The following TMEM181 variants were observed in gnomAD, a reference collection of about 807,000 sequenced individuals.
TMEM181 encodes the protein transmembrane protein 181.
Under a neutral mutation model 71.9 loss-of-function variants are expected in TMEM181, and 39 were observed. That is an observed-to-expected ratio of 0.54 (90% CI 0.42 to 0.71). The LOEUF is 0.71. Among genes scored for constraint, TMEM181 ranks in the 30% least tolerant of loss-of-function variants. TMEM181 has a pLI of 0.00. For synonymous variants in TMEM181, 245 were observed against 228.8 expected (o/e 1.07, Z -0.64); for missense variants, 595 against 583.0 (o/e 1.02, Z -0.21).
chr6:158,555,391 TAAAAG>T (rs1781847799), upstream of TMEM181, among the ~76,000 whole-genome samples: 1 of 152,184 alleles, frequency 6.6e-6, no homozygotes, highest in African/African-American at 2.4e-5. Context: ...AAATTAACCT[TAAAAG>T]AGATGATCCT....
At chr6:158,577,366 A>G (rs1783223588) in intron 2 of TMEM181, among the ~76,000 whole-genome samples, 1 of 152,226 alleles carries the variant, frequency 6.6e-6, no homozygotes, top group Non-Finnish European at 1.5e-5. Context: ...GGAAAGAATC[A>G]GTGAATCTGA....
intron 1 of TMEM181, among the ~76,000 whole-genome samples, chr6:158,545,726 G>C (rs1380516396): frequency 1.3e-5 from 2 of 151,904 alleles, no homozygotes; most frequent in Non-Finnish European, 2.9e-5. Context: ...CGTTGCCCAG[G>C]TTGGAGTGCA....
intron 3 of TMEM181, among the ~76,000 whole-genome samples, chr6:158,583,501 C>T (rs1307185608): frequency 6.6e-6 from 1 of 151,914 alleles, no homozygotes; most frequent in Non-Finnish European, 1.5e-5. Context: ...CACTTATGTT[C>T]TTGAAAGGAA....
intron 3 of TMEM181, among the ~76,000 whole-genome samples, chr6:158,582,787 A>AC (rs1257629061): frequency 2.0e-5 from 3 of 152,200 alleles, no homozygotes; most frequent in African/African-American, 7.2e-5. Context: ...CTGCTATTAA[A>AC]CACCAGTATT....
At chr6:158,603,855 CATT>C (rs1228586651) in intron 6 of TMEM181, among the ~76,000 whole-genome samples, 2 of 152,218 alleles carry the variant, frequency 1.3e-5, no homozygotes, top group African/African-American at 2.4e-5. Context: ...CAATGCCAGA[CATT>C]ATTGATTGCT....
At chr6:158,627,759 G>A (rs979800891) in intron 13 of TMEM181, among the ~76,000 whole-genome samples, 5 of 152,206 alleles carry the variant, frequency 3.3e-5, no homozygotes, top group East Asian at 1.9e-4. Flanking sequence ...CTGGGAGACC[G>A]CCAGAGGGTC....
intron 10 of TMEM181, among the ~76,000 whole-genome samples, chr6:158,616,132 C>A (rs1392047381): frequency 6.6e-6 from 1 of 152,178 alleles, no homozygotes; most frequent in Non-Finnish European, 1.5e-5. Context: ...AATGTTCTTC[C>A]ATTTGTTTGT....
intron 1 of TMEM181, among the ~76,000 whole-genome samples, chr6:158,571,423 A>G (rs1362274524): frequency 2.3e-5 from 3 of 129,254 alleles, no homozygotes; most frequent in South Asian, 2.5e-4. Flanking sequence ...TGGCCTCCCA[A>G]AGTGCTGAGA....
intron 1 of TMEM181, among the ~76,000 whole-genome samples, chr6:158,565,960 C>T (rs776426047): frequency 4.6e-5 from 7 of 152,226 alleles, no homozygotes; most frequent in Non-Finnish European, 7.3e-5. Context: ...CACCTCGAGA[C>T]AGGAGGTTTT....
intron 12 of TMEM181, 68 bp from the exon 13 acceptor site, chr6:158,625,635 T>C: frequency 6.9e-7 from 1 of 1,444,576 alleles, no homozygotes; most frequent in African/African-American, 1.4e-5. Context: ...TTTTGTTTTT[T>C]ATTTTTCAAA....
chr6:158,604,115 T>C (rs1784812887), intron 6 of TMEM181, among the ~76,000 whole-genome samples: 1 of 152,218 alleles, frequency 6.6e-6, no homozygotes, highest in Admixed American at 6.5e-5. Flanking sequence ...TTTGGGAGGT[T>C]CGTTCTCTCT....
Position 158,629,792 on chromosome 6 carries a change from T to C in TMEM181, c.1255T>C (p.Tyr419His). The change falls in exon 15 of 17, where the codon TAT (tyrosine) becomes CAT (histidine). Residue 419 changes from tyrosine (Y) to histidine (H), a missense_variant. Tyr to His is a moderately conservative substitution (Grantham distance 83, BLOSUM62 2). Transcript: ENST00000684151. ...CTATCTCTACACCTTGGCCTTTGTA[T>C]ATTCTCCATCGAAGAATGCCCTCTA... ...NFYLYTLAFVYSPSKNALYES... is the reference protein window; with the variant it reads ...NFYLYTLAFVHSPSKNALYES... 1 of 1,614,172 alleles carries C rather than the reference T, an allele frequency of 6.2e-7. No homozygotes were observed. Among genetic ancestry groups the C allele is most frequent in the Non-Finnish European group, 8.5e-7 (1 of 1,180,010 alleles).
intron 2 of TMEM181, among the ~76,000 whole-genome samples, chr6:158,575,158 T>C (rs1783089117): frequency 1.3e-5 from 2 of 152,232 alleles, no homozygotes; most frequent in African/African-American, 4.8e-5. Flanking sequence ...ACCAAATGTC[T>C]CAGCACCCTG....
chr6:158,627,211 C>A (rs976619370), intron 13 of TMEM181, among the ~76,000 whole-genome samples: 1 of 152,184 alleles, frequency 6.6e-6, no homozygotes, highest in African/African-American at 2.4e-5. Context: ...CACTCACACA[C>A]CCTCACCCTC....
At position 158,618,661 on chromosome 6, in the gene TMEM181, TCAGGAGCTCTTGTAAGG is replaced by T. The variant is rs1443266045; in HGVS notation, c.897-4884_897-4868del. Reference sequence around the variant, plus strand: ...TTCCTTTCCATGTTTAGTGCTTCCTTCAGGAGCTCTTGTAAGGCAGGCCTGGTGGTGACAAAAATCTC... The same window carrying T: ...TTCCTTTCCATGTTTAGTGCTTCCTTCAGGCCTGGTGGTGACAAAAATCTC... On this transcript the variant is annotated intron_variant, in intron 10 of 16. Coordinates refer to ENST00000684151, the MANE Select transcript of TMEM181 (RefSeq NM_001376852.1). Among the ~76,000 whole-genome samples, 8 of 152,340 alleles carry T rather than the reference TCAGGAGCTCTTGTAAGG, an allele frequency of 5.3e-5. No individual in the cohort carries two copies. In the East Asian group the frequency reaches 1.5e-3, roughly 29 times the overall value.
chr6:158,588,270 G>T (rs1783896521), intron 5 of TMEM181, among the ~76,000 whole-genome samples: 1 of 152,228 alleles, frequency 6.6e-6, no homozygotes, highest in Non-Finnish European at 1.5e-5. Context: ...GCAGACCCAG[G>T]GCTGCTAGTG....
intron 10 of TMEM181, among the ~76,000 whole-genome samples, 185 bp from the exon 11 acceptor site, chr6:158,623,365 T>C (rs1489710747): frequency 1.3e-5 from 2 of 152,194 alleles, no homozygotes; most frequent in Non-Finnish European, 2.9e-5. Flanking sequence ...GTATAGTTTT[T>C]TCATGTGAAA....
intron 4 of TMEM181, 68 bp from the exon 5 acceptor site, chr6:158,585,236 A>G (rs1290432626): frequency 6.7e-6 from 10 of 1,489,640 alleles, no homozygotes; most frequent in Non-Finnish European, 8.9e-6. Flanking sequence ...TTACAGAGCC[A>G]GGAAGGCACC....
intron 10 of TMEM181, among the ~76,000 whole-genome samples, chr6:158,612,697 C>T (rs979522969): frequency 1.3e-5 from 2 of 152,200 alleles, no homozygotes; most frequent in African/African-American, 4.8e-5. Flanking sequence ...ACATTTCTTT[C>T]CCAATGAGAG....
Sources: allele counts gnomAD v4.1 joint callset (sites outside exome capture counted in the v4.1 genomes callset), GRCh38; gene constraint gnomAD v4.1.1; transcripts MANE v1.5; gene names NCBI Gene and HGNC (gene_info 2026-07-23, HGNC 2026-07-21).